MPP4: variants seen among roughly 807,000 people sequenced by gnomAD.
MPP4 encodes MAGUK p55 subfamily member 4.
A neutral mutation model predicts 98.3 loss-of-function variants in MPP4; 91 were observed. The observed-to-expected ratio is 0.93, with a 90% CI of 0.78 to 1.10. The LOEUF (loss-of-function observed/expected upper bound fraction) is 1.10. Among genes scored for constraint, MPP4 ranks in the 50% least tolerant of loss-of-function variants. The probability of loss-of-function intolerance (pLI) is 0.00; values close to 1 mark genes in which losing one functional copy is unlikely to be tolerated. For missense variants in MPP4, 744 were observed against 792.9 expected (o/e 0.94, Z 0.74); for synonymous variants, 261 against 271.8 (o/e 0.96, Z 0.39).
chr2:201,690,287 A>G lies in MPP4; in HGVS notation c.202-8T>C. 6.4e-7 allele frequency: 1 copy of G among 1,569,022 alleles called. No homozygotes were observed. The highest frequency in any genetic ancestry group is 8.7e-7 in the Non-Finnish European group (1 of 1,145,604). Reference sequence around the variant, plus strand: ...CTGGAGGCAGTCATAAATCTGCAGAAGGACAAGGGAGGGAGAATTGATATT... The same window carrying G: ...CTGGAGGCAGTCATAAATCTGCAGAGGGACAAGGGAGGGAGAATTGATATT... On this transcript the variant is annotated splice_polypyrimidine_tract_variant and splice_region_variant and intron_variant, in intron 3 of 21. Coordinates refer to ENST00000409474, the MANE Select transcript of MPP4 (RefSeq NM_033066.3).
intron 16 of MPP4, among the ~76,000 whole-genome samples, chr2:201,657,613 T>TTTTTTTTTTTTTTTTTTTTTTTTTTC (rs1193716972): frequency 6.8e-6 from 1 of 147,118 alleles, no homozygotes; most frequent in Admixed American, 6.9e-5. Flanking sequence ...TTTTTTGTTT[T>TTTTTTTTTTTTTTTTTTTTTTTTTTC]TTTTTGCTTA....
Position 201,647,818 on chromosome 2 carries a change from T to A in MPP4, c.1592A>T (p.Gln531Leu), listed in dbSNP as rs747233817. Reference protein sequence around the residue: ...CVMDLEPQDIQGVRTHELKPY... With the variant: ...CVMDLEPQDILGVRTHELKPY... The stretch of plus-strand genomic sequence containing the variant: ...CTTCAGTTCATGGGTTCGAACCCCT[T>A]GAATATCCTACACAGAAAATTTAAA... The change falls in exon 21 of 22, where the codon CAA becomes CTA. Residue 531 changes from glutamine (Q) to leucine (L), a missense_variant. By Grantham distance (113) the Gln-to-Leu change is moderately radical. Coordinates refer to ENST00000409474, the MANE Select transcript of MPP4 (RefSeq NM_033066.3). The A allele has an allele frequency of 4.3e-6, 7 of 1,611,156 alleles. No individual in the cohort carries two copies. The East Asian group carries it at 1.3e-4, about 31-fold the overall frequency.
chr2:201,649,428 G>A (rs557742297), intron 20 of MPP4, 148 bp downstream of exon 20: 17 of 600,940 alleles, frequency 2.8e-5, no homozygotes, highest in South Asian at 1.2e-4. Context: ...CAATTGACAC[G>A]TTAAGTAAGA....
chr2:201,675,407 G>T, intron 10 of MPP4, 136 bp from the exon 11 acceptor site: 1 of 826,794 alleles, frequency 1.2e-6, no homozygotes, highest in Non-Finnish European at 1.9e-6. Flanking sequence ...TGAAAAGGGT[G>T]ATTGCTTCTC....
At chr2:201,682,963 A>AT (rs780323023) in intron 7 of MPP4, 47 bp from the exon 8 acceptor site, 68 of 1,496,924 alleles carry the variant, frequency 4.5e-5, no homozygotes, top group Admixed American at 8.4e-5. Context: ...AAGAAGTAGG[A>AT]TAAAAATAGC....
intron 18 of MPP4, chr2:201,652,012 G>C (rs988307298): frequency 2.1e-6 from 2 of 974,154 alleles, no homozygotes; most frequent in African/African-American, 3.5e-5. Context: ...TGATTTCTTT[G>C]GTAGTTTTTG....
Position 201,692,961 on chromosome 2 carries a change from C to T in MPP4, c.148G>A (p.Val50Met), listed in dbSNP as rs1206441746. The T allele has an allele frequency of 1.2e-6, 2 of 1,612,868 alleles. No individual in the cohort carries two copies. The highest frequency in any genetic ancestry group is 1.7e-6 in the Non-Finnish European group (2 of 1,179,466). The change falls in exon 3 of 22, where the codon GTG becomes ATG. Residue 50 changes from valine to methionine, a missense_variant. Transcript: ENST00000409474. The stretch of plus-strand genomic sequence containing the variant: ...TGGAGGAGATCGTACAAGAGACACA[C>T]TCCATTCACATCTCTGCCGTAGAAC... ...SLFYGRDVNG[V>M]CLLYDLLHSP... is the part of the protein sequence containing the mutation.
At chr2:201,685,298 C>T (rs867716245) in intron 6 of MPP4, among the ~76,000 whole-genome samples, 153 bp from the exon 7 acceptor site, 4 of 36,110 alleles carry the variant, frequency 1.1e-4, no homozygotes, top group African/African-American at 2.8e-4. Flanking sequence ...CAGCTCTGGT[C>T]TTTCAATCAA....
chr2:201,664,340 A>T, intron 13 of MPP4: 1 of 1,406,438 alleles, frequency 7.1e-7, no homozygotes, highest in Non-Finnish European at 9.5e-7. Flanking sequence ...GCAGGAGCTC[A>T]AAATAAATAA....
Position 201,682,821 on chromosome 2 carries a change from G to T in MPP4, c.660+10C>A, listed in dbSNP as rs777883122. The stretch of plus-strand genomic sequence containing the variant: ...CAAGTCATTAACAAAAAGGCAAAAA[G>T]AAGATTTACCAGAATATGGATCACT... On this transcript the variant is annotated intron_variant, in intron 8 of 21. Transcript: ENST00000409474. 6.2e-6 allele frequency: 10 copies of T among 1,612,878 alleles called. No individual in the cohort carries two copies. In the Admixed American group the frequency reaches 1.7e-4, roughly 27 times the overall value.
chr2:201,694,174 G>T, intron 1 of MPP4, 120 bp from the exon 2 acceptor site: 1 of 926,552 alleles, frequency 1.1e-6, no homozygotes, highest in Non-Finnish European at 1.5e-6. Context: ...ATCACCAGTG[G>T]CGTGAAAGAG....
intron 1 of MPP4, among the ~76,000 whole-genome samples, chr2:201,694,808 T>C (rs1689135897): frequency 6.6e-6 from 1 of 151,660 alleles, no homozygotes; most frequent in Non-Finnish European, 1.5e-5. Flanking sequence ...CTTGTAGAGA[T>C]GGGGTCTCAC....
Position 201,653,597 on chromosome 2 carries a change from C to T in MPP4, c.1381+1240G>A, listed in dbSNP as rs149116549. ...AACTTTCTTTTACACATATTAGAAA[C>T]GATGCATTATTATACATTATTATAA... On this transcript the variant is annotated intron_variant, in intron 18 of 21. Coordinates refer to ENST00000409474, the MANE Select transcript of MPP4 (RefSeq NM_033066.3). Among the ~76,000 whole-genome samples the T allele has an allele frequency of 2.4e-3, 362 of 152,230 alleles. 3 individuals carry two copies. The South Asian group carries it at 0.027, about 11-fold the overall frequency.
intron 10 of MPP4, among the ~76,000 whole-genome samples, chr2:201,677,573 A>C (rs982916122): frequency 6.6e-6 from 1 of 152,000 alleles, no homozygotes; most frequent in African/African-American, 2.4e-5. Context: ...CAAATCTGTC[A>C]CTCTTATAAA....
chr2:201,658,222 C>G (rs1687915468), intron 16 of MPP4, among the ~76,000 whole-genome samples: 1 of 151,998 alleles, frequency 6.6e-6, no homozygotes, highest in Non-Finnish European at 1.5e-5. Context: ...GGTTACGAAA[C>G]AGTCTGGAAG....
intron 14 of MPP4, among the ~76,000 whole-genome samples, chr2:201,660,690 C>T (rs1258387894): frequency 1.3e-5 from 2 of 152,098 alleles, no homozygotes; most frequent in African/African-American, 4.8e-5. Flanking sequence ...AGCCTTCTCC[C>T]TCCTCTCTCC....
chr2:201,687,653 G>T (rs1048825890), intron 4 of MPP4, among the ~76,000 whole-genome samples: 1 of 152,090 alleles, frequency 6.6e-6, no homozygotes, highest in Non-Finnish European at 1.5e-5. Context: ...GTACCAATTT[G>T]GTAACAGCAT....
chr2:201,650,411 A>G, intron 18 of MPP4: 1 of 985,460 alleles, frequency 1.0e-6, no homozygotes, highest in African/African-American at 1.7e-5. Context: ...AGCCAGCATA[A>G]GAAAGACCTA....
At chr2:201,671,669 G>T (rs1034736219) in intron 11 of MPP4, among the ~76,000 whole-genome samples, 1 of 152,082 alleles carries the variant, frequency 6.6e-6, no homozygotes, top group Non-Finnish European at 1.5e-5. Flanking sequence ...ATTGCAAAGT[G>T]GTAAAGGGAT....
Sources: gnomAD v4.1 joint callset for allele counts (sites outside exome capture counted in the v4.1 genomes callset) on GRCh38, gnomAD v4.1.1 for gene constraint, MANE v1.5 for transcripts, NCBI Gene and HGNC (gene_info 2026-07-23, HGNC 2026-07-21) for gene names.